FGF13: variants seen among roughly 807,000 people sequenced by gnomAD.
FGF13 encodes the protein fibroblast growth factor 13, also known as fibroblast growth factor homologous factor 2.
A neutral mutation model predicts 19.5 loss-of-function variants in FGF13; 2 were observed. The observed-to-expected ratio is 0.10, with a 90% confidence interval of 0.04 to 0.32. FGF13 has a LOEUF of 0.32. FGF13 is among the 10% of genes least tolerant of loss of function. The probability of loss-of-function intolerance (pLI) is 1.00; values close to 1 mark genes in which losing one functional copy is unlikely to be tolerated. For missense variants in FGF13, 113 were observed against 192.7 expected (o/e 0.59, Z 2.45); for synonymous variants, 72 against 76.9 (o/e 0.94, Z 0.33).
At chrX:139,028,611 G>GTGTGTGTGTGTT in intron 1 of FGF13, among the ~76,000 whole-genome samples, 1 of 54,139 alleles carries the variant, frequency 1.8e-5, no homozygotes, top group East Asian at 7.4e-4. Context: ...GTGTGTGTGT[G>GTGTGTGTGTGTT]TGTGTGAGAG....
intron 1 of FGF13, among the ~76,000 whole-genome samples, chrX:139,174,368 T>A (rs141355819): frequency 1.5e-3 from 167 of 112,539 alleles, no homozygotes; most frequent in African/African-American, 4.8e-3. Flanking sequence ...TTCAACCTGA[T>A]GATAGTTTCT....
chrX:139,131,678 G>A (rs771290058), intron 1 of FGF13, among the ~76,000 whole-genome samples: 14 of 111,076 alleles, frequency 1.3e-4, no homozygotes, highest in South Asian at 3.8e-4. Flanking sequence ...TCAAGACTGC[G>A]GTGAGCCATA....
chrX:138,842,136 GA>G (rs2091153437), intron 3 of FGF13, among the ~76,000 whole-genome samples: 1 of 112,168 alleles, frequency 8.9e-6, no homozygotes, highest in African/African-American at 3.2e-5. Context: ...GGACAGCAAT[GA>G]AAAGATTTTT....
chrX:139,051,226 T>C (rs2092302583), intron 1 of FGF13, among the ~76,000 whole-genome samples: 1 of 112,070 alleles, frequency 8.9e-6, no homozygotes, highest in Non-Finnish European at 1.9e-5. Context: ...GGCATGTCTA[T>C]TACCATCATC....
intron 1 of FGF13, among the ~76,000 whole-genome samples, chrX:138,869,051 C>T (rs1459970846): frequency 1.8e-5 from 2 of 111,464 alleles, no homozygotes; most frequent in Admixed American, 1.9e-4. Context: ...TCCATAACCA[C>T]CCCCCAAAAG....
intron 1 of FGF13, among the ~76,000 whole-genome samples, chrX:139,019,329 T>C (rs981856979): frequency 9.0e-6 from 1 of 111,475 alleles, no homozygotes; most frequent in Non-Finnish European, 1.9e-5. Context: ...CTGTAAGAAT[T>C]CAGACACAGA....
At chrX:138,666,262 T>G (rs1390117072) in intron 3 of FGF13, among the ~76,000 whole-genome samples, 1 of 109,890 alleles carries the variant, frequency 9.1e-6, no homozygotes, top group African/African-American at 3.3e-5. Flanking sequence ...TATCTGAGAG[T>G]TTTTTCTACA....
intron 3 of FGF13, among the ~76,000 whole-genome samples, chrX:138,754,337 C>A (rs1262680963): frequency 9.0e-6 from 1 of 111,265 alleles, no homozygotes; most frequent in Non-Finnish European, 1.9e-5. Flanking sequence ...ACACCCAATG[C>A]ACATTTTTTG....
At chrX:138,788,660 T>C (rs989564670) in intron 3 of FGF13, among the ~76,000 whole-genome samples, 1 of 112,269 alleles carries the variant, frequency 8.9e-6, no homozygotes, top group Non-Finnish European at 1.9e-5. Context: ...CTCCATTCCT[T>C]CCCATCTCCA....
intron 1 of FGF13, among the ~76,000 whole-genome samples, chrX:139,014,421 G>A (rs1422535184): frequency 1.8e-5 from 2 of 111,567 alleles, no homozygotes; most frequent in African/African-American, 6.5e-5. Context: ...TGAAAAAAGA[G>A]ATGTTACAAA....
At chrX:139,191,049 T>C (rs1282444297) in intron 1 of FGF13, among the ~76,000 whole-genome samples, 1 of 112,228 alleles carries the variant, frequency 8.9e-6, no homozygotes, top group Non-Finnish European at 1.9e-5. Flanking sequence ...TTTGTATATA[T>C]AGTTTTTATA....
intron 1 of FGF13, among the ~76,000 whole-genome samples, chrX:138,962,820 G>A (rs954119951): frequency 9.0e-6 from 1 of 111,036 alleles, no homozygotes; most frequent in Non-Finnish European, 1.9e-5. Flanking sequence ...CACAGGGTGG[G>A]GAACATCACA....
chrX:138,740,959 GC>G (rs1207721518), upstream of FGF13, among the ~76,000 whole-genome samples: 1 of 112,449 alleles, frequency 8.9e-6, no homozygotes, highest in Non-Finnish European at 1.9e-5. Context: ...TCAGAATGTG[GC>G]CATGGGGTAT....
intron 1 of FGF13, among the ~76,000 whole-genome samples, chrX:138,965,218 T>C (rs755308206): frequency 1.4e-3 from 155 of 112,461 alleles, no homozygotes; most frequent in Middle Eastern, 4.6e-3. Flanking sequence ...TTCGTTTAGA[T>C]GTCAACTCCC....
Position 138,989,437 on chromosome X carries a change from C to T in FGF13, c.-112-124787G>A, listed in dbSNP as rs368893313. Among the ~76,000 whole-genome samples the T allele has an allele frequency of 4.5e-5, 5 of 111,820 alleles. No homozygotes were observed. The South Asian group carries it at 1.9e-3, about 42-fold the overall frequency. ...GAAGGGATCCAGCGCCTGGTAGATA[C>T]TCAATAAACAGTAACTATTGTTACT... On this transcript the variant is annotated intron_variant, in intron 1 of 2. Transcript: ENST00000421460.
chrX:138,963,048 T>A (rs1385623804), intron 1 of FGF13, among the ~76,000 whole-genome samples: 2 of 112,653 alleles, frequency 1.8e-5, no homozygotes, highest in Non-Finnish European at 3.8e-5. Flanking sequence ...AATCCCCATT[T>A]GACTTTCTTG....
chrX:138,919,304 T>C (rs1388999747), intron 1 of FGF13, among the ~76,000 whole-genome samples: 4 of 111,521 alleles, frequency 3.6e-5, no homozygotes, highest in African/African-American at 6.5e-5. Flanking sequence ...GGGCAAATTA[T>C]ATAAATGGAA....
chrX:139,123,842 G>T (rs776784449), intron 1 of FGF13, among the ~76,000 whole-genome samples: 1 of 112,431 alleles, frequency 8.9e-6, no homozygotes. Context: ...GCCTTCGCAG[G>T]TGGTAAAATT....
chrX:138,736,438 G>A (rs1424735585), intron 1 of FGF13, among the ~76,000 whole-genome samples: 3 of 111,096 alleles, frequency 2.7e-5, no homozygotes, highest in Non-Finnish European at 5.7e-5. Context: ...GCCATTTTGG[G>A]CATATACAGT....
Sources: gnomAD v4.1 joint callset for allele counts (sites outside exome capture counted in the v4.1 genomes callset) on GRCh38, gnomAD v4.1.1 for gene constraint, MANE v1.5 for transcripts, NCBI Gene and HGNC (gene_info 2026-07-23, HGNC 2026-07-21) for gene names.